UBL3: variants seen among roughly 807,000 people sequenced by gnomAD.
UBL3 encodes the protein ubiquitin-like protein 3.
A neutral mutation model predicts 18.4 loss-of-function variants in UBL3; 6 were observed. That is an observed-to-expected ratio of 0.33 (90% CI 0.18 to 0.64). UBL3 has a LOEUF of 0.64. Among genes scored for constraint, UBL3 ranks in the 30% least tolerant of loss-of-function variants. The pLI, the probability that UBL3 is intolerant of heterozygous loss-of-function variation, is 0.76. For missense variants in UBL3, 109 were observed against 142.9 expected, an observed-to-expected ratio of 0.76 and a Z score of 1.21; for synonymous variants, 49 against 46.6, an observed-to-expected ratio of 1.05 and a Z score of -0.21.
intron 4 of UBL3, 111 bp downstream of exon 4, chr13:29,767,507 T>C: frequency 1.6e-6 from 2 of 1,273,380 alleles, no homozygotes; most frequent in East Asian, 2.4e-5. Flanking sequence ...ACAATCTCTA[T>C]TCATAAACTA....
At chr13:29,821,273 A>G (rs957720854) in intron 1 of UBL3, among the ~76,000 whole-genome samples, 1 of 152,230 alleles carries the variant, frequency 6.6e-6, no homozygotes, top group Non-Finnish European at 1.5e-5. Flanking sequence ...TATTACTTAT[A>G]GGTTATATAT....
chr13:29,836,702 A>C (rs1878970598), intron 1 of UBL3, among the ~76,000 whole-genome samples: 1 of 152,090 alleles, frequency 6.6e-6, no homozygotes, highest in African/African-American at 2.4e-5. Context: ...AGACACAAAA[A>C]GTGGATGTTG....
chr13:29,800,965 A>C (rs1877746186), intron 1 of UBL3, among the ~76,000 whole-genome samples: 1 of 152,046 alleles, frequency 6.6e-6, no homozygotes. Context: ...TTCCATATGG[A>C]TTTTCACCTC....
At chr13:29,823,581 T>A (rs1426738789) in intron 1 of UBL3, among the ~76,000 whole-genome samples, 1 of 152,196 alleles carries the variant, frequency 6.6e-6, no homozygotes, top group African/African-American at 2.4e-5. Flanking sequence ...AAAGAATAAA[T>A]GTCATTAATT....
At chr13:29,806,113 G>A (rs1226063523) in intron 1 of UBL3, among the ~76,000 whole-genome samples, 3 of 152,158 alleles carry the variant, frequency 2.0e-5, no homozygotes, top group Admixed American at 2.0e-4. Context: ...CGAGGCAGAG[G>A]TTGCAGTGAG....
intron 1 of UBL3, among the ~76,000 whole-genome samples, chr13:29,821,949 A>T (rs1878464512): frequency 6.6e-6 from 1 of 152,186 alleles, no homozygotes; most frequent in Non-Finnish European, 1.5e-5. Flanking sequence ...TGTTAAATTA[A>T]ATTACCTGAA....
intron 1 of UBL3, among the ~76,000 whole-genome samples, chr13:29,800,558 C>T (rs1877734214): frequency 6.6e-6 from 1 of 151,962 alleles, no homozygotes; most frequent in Non-Finnish European, 1.5e-5. Context: ...ATGTTGTCTT[C>T]TAAAATCCTA....
At chr13:29,846,218 T>C (rs1195051000) in intron 1 of UBL3, among the ~76,000 whole-genome samples, 2 of 152,152 alleles carry the variant, frequency 1.3e-5, no homozygotes, top group Admixed American at 6.5e-5. Context: ...TGATATTCTG[T>C]TGAGATATTT....
intron 1 of UBL3, among the ~76,000 whole-genome samples, chr13:29,840,869 G>A (rs1179774821): frequency 2.0e-5 from 3 of 151,912 alleles, no homozygotes; most frequent in South Asian, 2.1e-4. Flanking sequence ...TATCATAATC[G>A]GTTCAAAATT....
intron 1 of UBL3, among the ~76,000 whole-genome samples, chr13:29,822,600 T>C (rs1464662208): frequency 1.3e-5 from 2 of 152,150 alleles, no homozygotes; most frequent in Non-Finnish European, 2.9e-5. Flanking sequence ...TGCAGTGGCG[T>C]AATCACAGCT....
At chr13:29,783,325 C>T (rs571343075) in intron 1 of UBL3, among the ~76,000 whole-genome samples, 3 of 152,310 alleles carry the variant, frequency 2.0e-5, no homozygotes, top group South Asian at 4.1e-4. Flanking sequence ...ACTTTTCAAA[C>T]GGACTAGGTT....
At chr13:29,809,602 A>G (rs531805626) in intron 1 of UBL3, among the ~76,000 whole-genome samples, 4 of 152,268 alleles carry the variant, frequency 2.6e-5, no homozygotes, top group African/African-American at 9.6e-5. Flanking sequence ...TTCTTTCCTT[A>G]GGAACAGAAG....
chr13:29,772,239 T>C lies in UBL3; in HGVS notation c.137-41A>G, dbSNP rs372354475. ...TGTACTGGTTAGGTATATTCCAACA[T>C]ATAATTAAGGTACTACTATATTGTT... On this transcript the variant is annotated intron_variant, in intron 2 of 4. Transcript: ENST00000380680. 117 of 1,523,918 alleles carry C rather than the reference T, an allele frequency of 7.7e-5. No homozygotes were observed. The African/African-American group carries it at 1.4e-3, about 18-fold the overall frequency. 94.4% of individuals were successfully genotyped at this position (1,523,918 alleles called of 1,614,324 possible).
At chr13:29,781,876 T>C (rs1011852046) in intron 1 of UBL3, among the ~76,000 whole-genome samples, 9 of 140,860 alleles carry the variant, frequency 6.4e-5, no homozygotes, top group African/African-American at 2.1e-4. Context: ...CACATGCCTA[T>C]AGTACTAGCT....
At chr13:29,795,116 T>C (rs911752038) in intron 1 of UBL3, among the ~76,000 whole-genome samples, 2 of 152,202 alleles carry the variant, frequency 1.3e-5, no homozygotes, top group Non-Finnish European at 2.9e-5. Flanking sequence ...TGATCACATA[T>C]ATTCATACAT....
At chr13:29,784,803 T>C (rs1487339716) in intron 1 of UBL3, among the ~76,000 whole-genome samples, 1 of 150,914 alleles carries the variant, frequency 6.6e-6, no homozygotes, top group Non-Finnish European at 1.5e-5. Context: ...AATCTATTTG[T>C]GATAAAACTG....
intron 1 of UBL3, among the ~76,000 whole-genome samples, chr13:29,795,777 A>C (rs1877594032): frequency 6.8e-6 from 1 of 146,458 alleles, no homozygotes; most frequent in African/African-American, 2.5e-5. Context: ...AAAAAAAAAA[A>C]GAGAGAGAGC....
chr13:29,821,952 T>A (rs1878464721), intron 1 of UBL3, among the ~76,000 whole-genome samples: 1 of 152,198 alleles, frequency 6.6e-6, no homozygotes, highest in South Asian at 2.1e-4. Flanking sequence ...TAAATTAAAT[T>A]ACCTGAATTA....
At chr13:29,772,261 T>C (rs1256119927) in intron 2 of UBL3, 63 bp from the exon 3 acceptor site, 2 of 1,293,518 alleles carry the variant, frequency 1.5e-6, no homozygotes, top group Non-Finnish European at 2.1e-6. Flanking sequence ...ACTACTATAT[T>C]GTTTTAAAAA....
Sources: allele counts gnomAD v4.1 joint callset (sites outside exome capture counted in the v4.1 genomes callset), GRCh38; gene constraint gnomAD v4.1.1; transcripts MANE v1.5; gene names NCBI Gene and HGNC (gene_info 2026-07-23, HGNC 2026-07-21).